Variants in KCNT2 observed in about 807,000 individuals in gnomAD.
KCNT2 encodes the protein potassium channel subfamily T member 2.
In KCNT2, 67 loss-of-function variants were observed where a neutral mutation model predicts 153.8. The ratio of observed to expected loss-of-function variants is 0.44; its 90% CI spans 0.36 to 0.53. The LOEUF is 0.53. KCNT2 is among the 20% of genes least tolerant of loss of function. The probability of loss-of-function intolerance (pLI) is 0.00; values close to 1 mark genes in which losing one functional copy is unlikely to be tolerated. For missense variants in KCNT2, 975 were observed against 1,354.8 expected, an observed-to-expected ratio of 0.72 and a Z score of 4.40; for synonymous variants, 500 against 458.8, an observed-to-expected ratio of 1.09 and a Z score of -1.15.
rs977625268 is a variant in KCNT2, at chr1:196,257,731, T to G, written c.3211+463A>C. 4.1e-6 allele frequency: 4 copies of G among 984,382 alleles called. No homozygotes were observed. The African/African-American group carries it at 7.0e-5, about 17-fold the overall frequency. 61.0% of individuals were successfully genotyped at this position (984,382 alleles called of 1,614,324 possible). A position where few individuals can be genotyped will look rare whatever the true frequency, so the allele number is the denominator to read the frequency against. On this transcript the variant is annotated intron_variant, in intron 26 of 27. Coordinates refer to ENST00000294725, the MANE Select transcript of KCNT2 (RefSeq NM_198503.5). ...GTATTTGAGCTTCAAAATTAAAGTT[T>G]TTGAAGATTTTGTTTCTAAACCACA...
At chr1:196,438,722 T>G (rs775159044) in intron 8 of KCNT2, among the ~76,000 whole-genome samples, 1 of 151,880 alleles carries the variant, frequency 6.6e-6, no homozygotes, top group African/African-American at 2.4e-5. Flanking sequence ...CTGAGATTAA[T>G]TGAATAAAAG....
chr1:196,426,076 G>T, intron 10 of KCNT2, 88 bp from the exon 11 acceptor site: 1 of 997,126 alleles, frequency 1.0e-6, no homozygotes, highest in Admixed American at 2.6e-5. Flanking sequence ...AGAAAAATTT[G>T]AAATATGATA....
chr1:196,602,845 G>A (rs555822570), intron 1 of KCNT2, among the ~76,000 whole-genome samples: 4 of 140,006 alleles, frequency 2.9e-5, no homozygotes, highest in African/African-American at 1.1e-4. Flanking sequence ...GGACTGCAGT[G>A]GCGCAATCTC....
At chr1:196,326,327 T>C (rs1663849379) in intron 19 of KCNT2, among the ~76,000 whole-genome samples, 1 of 152,104 alleles carries the variant, frequency 6.6e-6, no homozygotes, top group Non-Finnish European at 1.5e-5. Flanking sequence ...CAGTAAATGC[T>C]TCTCTGATAA....
At chr1:196,536,047 G>A (rs1159889744) in intron 1 of KCNT2, among the ~76,000 whole-genome samples, 1 of 152,208 alleles carries the variant, frequency 6.6e-6, no homozygotes, top group Non-Finnish European at 1.5e-5. Context: ...GTGGAACCCT[G>A]GATCCAGAGG....
intron 10 of KCNT2, among the ~76,000 whole-genome samples, chr1:196,427,126 GA>G (rs1221391301): frequency 1.3e-5 from 2 of 151,772 alleles, no homozygotes; most frequent in African/African-American, 4.8e-5. Context: ...AAGTAAGCTT[GA>G]AATTAATTAA....
intron 1 of KCNT2, among the ~76,000 whole-genome samples, chr1:196,545,302 G>A (rs1656931244): frequency 6.6e-6 from 1 of 151,994 alleles, no homozygotes; most frequent in Admixed American, 6.6e-5. Context: ...AAGAGAATAA[G>A]GGAAGAATAA....
intron 1 of KCNT2, among the ~76,000 whole-genome samples, chr1:196,579,837 A>C (rs1413207286): frequency 6.6e-6 from 1 of 152,130 alleles, no homozygotes; most frequent in Non-Finnish European, 1.5e-5. Context: ...CAGCATCATG[A>C]AATATCAGAA....
chr1:196,353,315 G>T (rs1666899347), intron 14 of KCNT2, among the ~76,000 whole-genome samples: 1 of 151,994 alleles, frequency 6.6e-6, no homozygotes, highest in African/African-American at 2.4e-5. Context: ...TCACTGGGCT[G>T]GGGGTGGATG....
rs1488614144 is a variant in KCNT2 at position 196,258,467 on chromosome 1, A to C, written c.2938T>G (p.Trp980Gly). 1.9e-6 allele frequency: 3 copies of C among 1,598,916 alleles called. No individual in the cohort carries two copies. The African/African-American group carries it at 4.0e-5, about 22-fold the overall frequency. Residue 980 changes from tryptophan (W) to glycine (G), a missense_variant, in exon 26 of 28, where the codon TGG (tryptophan) becomes GGG (glycine). Transcript: ENST00000294725. ...ESQISISVEE[W>G]EDTKDSKEQG... ...TCTTTGGAGTCTTTGGTGTCTTCCCACTCTTCTACACTGATAGATATTTGA... is the reference window on the plus strand; with the variant it reads ...TCTTTGGAGTCTTTGGTGTCTTCCCCCTCTTCTACACTGATAGATATTTGA...
intron 2 of KCNT2, among the ~76,000 whole-genome samples, chr1:196,490,817 TG>T (rs11302817): frequency 0.017 from 2,626 of 152,082 alleles, 80 homozygotes; most frequent in African/African-American, 0.059. Context: ...TTACGATATC[TG>T]ATTCATGCAT....
At chr1:196,273,013 G>A (rs183410735) in intron 25 of KCNT2, among the ~76,000 whole-genome samples, 1 of 151,922 alleles carries the variant, frequency 6.6e-6, no homozygotes, top group Non-Finnish European at 1.5e-5. Flanking sequence ...CCATGGTTAA[G>A]TAAAACATCT....
At chr1:196,296,026 C>T (rs73065809) in intron 22 of KCNT2, among the ~76,000 whole-genome samples, 49 of 152,036 alleles carry the variant, frequency 3.2e-4, no homozygotes, top group African/African-American at 1.2e-3. Flanking sequence ...ATATGTTACA[C>T]TTCTAAAATA....
At chr1:196,598,379 C>G (rs191636537) in intron 1 of KCNT2, among the ~76,000 whole-genome samples, 4 of 152,240 alleles carry the variant, frequency 2.6e-5, no homozygotes, top group Admixed American at 2.6e-4. Context: ...ACAAATAAAA[C>G]CATTGCCTTA....
chr1:196,343,572 G>A (rs567220256), intron 14 of KCNT2, among the ~76,000 whole-genome samples: 26 of 152,012 alleles, frequency 1.7e-4, no homozygotes, highest in Non-Finnish European at 2.6e-4. Context: ...TGTCTAAAGG[G>A]TTATTAGGAA....
chr1:196,346,494 T>A (rs916007686), intron 14 of KCNT2, among the ~76,000 whole-genome samples: 1 of 152,192 alleles, frequency 6.6e-6, no homozygotes, highest in Non-Finnish European at 1.5e-5. Flanking sequence ...TTCTAGCCTG[T>A]TAATTGATTC....
At chr1:196,578,011 C>CAAA (rs1661574126) in intron 1 of KCNT2, among the ~76,000 whole-genome samples, 1 of 151,936 alleles carries the variant, frequency 6.6e-6, no homozygotes, top group Non-Finnish European at 1.5e-5. Context: ...GAAAACCAGG[C>CAAA]AATGAGAAAT....
chr1:196,439,195 C>G (rs907625824), intron 8 of KCNT2, among the ~76,000 whole-genome samples: 6 of 151,972 alleles, frequency 3.9e-5, no homozygotes, highest in Admixed American at 3.9e-4. Context: ...TGGTTAATAT[C>G]TGTTTTAAAG....
chr1:196,304,942 G>A (rs140705829), intron 22 of KCNT2, among the ~76,000 whole-genome samples: 60 of 152,218 alleles, frequency 3.9e-4, no homozygotes, highest in African/African-American at 1.3e-3. Flanking sequence ...GACATAGCAA[G>A]TAAGTGAGTA....
Sources: gnomAD v4.1 joint callset for allele counts (sites outside exome capture counted in the v4.1 genomes callset) on GRCh38, gnomAD v4.1.1 for gene constraint, MANE v1.5 for transcripts, NCBI Gene and HGNC (gene_info 2026-07-23, HGNC 2026-07-21) for gene names.